NEGR1: variants seen among roughly 807,000 people sequenced by gnomAD.
NEGR1 encodes neuronal growth regulator 1.
Under a neutral mutation model 40.9 loss-of-function variants are expected in NEGR1, and 10 were observed. The ratio of observed to expected loss-of-function variants is 0.24; its 90% CI spans 0.15 to 0.42. The LOEUF (loss-of-function observed/expected upper bound fraction) is 0.42, where lower values mean the gene tolerates loss of function less well. NEGR1 is among the 10% of genes least tolerant of loss of function. The pLI is 1.00. For synonymous variants in NEGR1, 185 were observed against 166.8 expected (o/e 1.11, Z -0.84); for missense variants, 352 against 438.9 (o/e 0.80, Z 1.77).
intron 1 of NEGR1, among the ~76,000 whole-genome samples, chr1:72,139,792 C>T (rs1650604115): frequency 6.6e-6 from 1 of 152,034 alleles, no homozygotes; most frequent in Admixed American, 6.6e-5. Flanking sequence ...GATATGTTTA[C>T]TATCTTGATT....
intron 1 of NEGR1, among the ~76,000 whole-genome samples, chr1:72,210,613 A>G (rs1344130079): frequency 6.6e-6 from 1 of 151,900 alleles, no homozygotes; most frequent in Non-Finnish European, 1.5e-5. Flanking sequence ...AATTTCTGAC[A>G]TCTTGATTCT....
intron 1 of NEGR1, among the ~76,000 whole-genome samples, chr1:72,021,657 C>T (rs909898333): frequency 6.6e-6 from 1 of 152,002 alleles, no homozygotes; most frequent in African/African-American, 2.4e-5. Context: ...TGCTCAATGT[C>T]AGAAAAATTT....
intron 1 of NEGR1, among the ~76,000 whole-genome samples, chr1:72,022,286 T>C (rs1484055075): frequency 8.0e-6 from 1 of 124,300 alleles, no homozygotes; most frequent in African/African-American, 3.4e-5. Flanking sequence ...TATATATATA[T>C]ATATATATAT....
At chr1:71,481,138 G>T (rs561136426) in intron 6 of NEGR1, among the ~76,000 whole-genome samples, 2 of 151,752 alleles carry the variant, frequency 1.3e-5, no homozygotes, top group Admixed American at 1.3e-4. Context: ...TCTCTTGCTT[G>T]AGGTCACATA....
chr1:71,879,413 T>G (rs1570460720), intron 2 of NEGR1, among the ~76,000 whole-genome samples: 1 of 152,176 alleles, frequency 6.6e-6, no homozygotes, highest in Admixed American at 6.5e-5. Context: ...TAAGGTTGCC[T>G]TCAAGAAAAC....
At chr1:72,201,242 A>G (rs1454174492) in intron 1 of NEGR1, among the ~76,000 whole-genome samples, 1 of 151,568 alleles carries the variant, frequency 6.6e-6, no homozygotes, top group African/African-American at 2.4e-5. Flanking sequence ...GCTTTGAAAT[A>G]AAGTATATTA....
At chr1:72,121,602 C>T (rs1052979593) in intron 1 of NEGR1, among the ~76,000 whole-genome samples, 2 of 151,830 alleles carry the variant, frequency 1.3e-5, no homozygotes, top group African/African-American at 4.8e-5. Flanking sequence ...TACCCTCTCT[C>T]CTTGTTACAG....
chr1:71,600,733 A>G (rs1393754226), intron 5 of NEGR1, among the ~76,000 whole-genome samples: 1 of 152,204 alleles, frequency 6.6e-6, no homozygotes, highest in African/African-American at 2.4e-5. Context: ...AAACCTACAT[A>G]CCACCCTCTG....
At chr1:72,042,533 C>T (rs965609419) in intron 1 of NEGR1, among the ~76,000 whole-genome samples, 2 of 151,944 alleles carry the variant, frequency 1.3e-5, no homozygotes, top group South Asian at 2.1e-4. Flanking sequence ...TGTCAGATCA[C>T]GATAGCACAA....
At chr1:71,883,386 T>C (rs1180586921) in intron 2 of NEGR1, among the ~76,000 whole-genome samples, 7 of 152,122 alleles carry the variant, frequency 4.6e-5, no homozygotes, top group African/African-American at 1.7e-4. Context: ...TGTTGGCTAA[T>C]TTTAGAAGCT....
rs567490105 is a variant in NEGR1 at position 72,076,316 on chromosome 1, A to G, written c.177-141005T>C. Reference sequence around the variant, plus strand: ...GCTTCTTTCACGATGTGAAGATAATAGTGCAAATACAGCCATTTACGAACA... The same window carrying G: ...GCTTCTTTCACGATGTGAAGATAATGGTGCAAATACAGCCATTTACGAACA... On this transcript the variant is annotated intron_variant, in intron 1 of 6. Transcript: ENST00000357731. Among the ~76,000 whole-genome samples the G allele has an allele frequency of 2.0e-5, 3 of 152,284 alleles. No homozygotes were observed. The South Asian group carries it at 6.2e-4, about 32-fold the overall frequency.
intron 2 of NEGR1, among the ~76,000 whole-genome samples, chr1:71,877,073 ATGTG>A (rs1309059337): frequency 6.6e-6 from 1 of 151,898 alleles, no homozygotes; most frequent in Non-Finnish European, 1.5e-5. Flanking sequence ...AGGAGGTAAA[ATGTG>A]AGGGTTGCGA....
At chr1:71,522,231 C>G (rs1647163359) in intron 6 of NEGR1, among the ~76,000 whole-genome samples, 1 of 151,970 alleles carries the variant, frequency 6.6e-6, no homozygotes, top group South Asian at 2.1e-4. Context: ...TTATTCGAAG[C>G]CCAGTATGTA....
chr1:71,803,467 T>C (rs1464775924), intron 2 of NEGR1, among the ~76,000 whole-genome samples: 3 of 152,192 alleles, frequency 2.0e-5, no homozygotes, highest in Non-Finnish European at 4.4e-5. Flanking sequence ...TGGCTAACAG[T>C]GACCTTCCTC....
chr1:72,221,835 A>T (rs957821932), intron 1 of NEGR1, among the ~76,000 whole-genome samples: 8 of 152,170 alleles, frequency 5.3e-5, no homozygotes, highest in African/African-American at 1.9e-4. Context: ...TCATAGCCAC[A>T]GGATCTTTGA....
intron 2 of NEGR1, among the ~76,000 whole-genome samples, chr1:71,846,186 G>C (rs1317627468): frequency 6.6e-6 from 1 of 152,022 alleles, no homozygotes; most frequent in Admixed American, 6.6e-5. Flanking sequence ...CTGAAGTTGA[G>C]CTGAATGGAA....
chr1:71,550,597 T>C (rs945975031), intron 6 of NEGR1, among the ~76,000 whole-genome samples: 2 of 151,554 alleles, frequency 1.3e-5, no homozygotes, highest in African/African-American at 4.8e-5. Flanking sequence ...AATTCATACT[T>C]TCTTCCATAT....
intron 3 of NEGR1, among the ~76,000 whole-genome samples, 161 bp downstream of exon 3, chr1:71,776,011 A>G (rs1164875012): frequency 6.6e-6 from 1 of 150,382 alleles, no homozygotes; most frequent in East Asian, 2.0e-4. Context: ...ATAAATAAAT[A>G]AATAAATAAA....
At chr1:71,566,764 C>A (rs1282576476) in intron 6 of NEGR1, among the ~76,000 whole-genome samples, 3 of 152,096 alleles carry the variant, frequency 2.0e-5, no homozygotes, top group Non-Finnish European at 4.4e-5. Flanking sequence ...TAAGAGGACA[C>A]CATAGACTGG....
Sources: gnomAD v4.1 joint callset for allele counts (sites outside exome capture counted in the v4.1 genomes callset) on GRCh38, gnomAD v4.1.1 for gene constraint, MANE v1.5 for transcripts, NCBI Gene and HGNC (gene_info 2026-07-23, HGNC 2026-07-21) for gene names.